Variants in RAB11B observed in about 807,000 individuals in gnomAD.
The protein encoded by RAB11B is RAB11B, member RAS oncogene family, also known as ras-related protein Rab-11B.
Under a neutral mutation model 23.7 loss-of-function variants are expected in RAB11B, and 7 were observed. That is an observed-to-expected ratio of 0.29 (90% CI 0.17 to 0.55). The LOEUF (loss-of-function observed/expected upper bound fraction) is 0.55. RAB11B is among the 20% of genes least tolerant of loss of function. RAB11B has a pLI of 0.93. For synonymous variants in RAB11B, 138 were observed against 132.0 expected (o/e 1.05, Z -0.31); for missense variants, 189 against 320.0 (o/e 0.59, Z 3.12).
chr19:8,391,819 TC>T (rs1271820405), intron 1 of RAB11B, among the ~76,000 whole-genome samples: 1 of 151,480 alleles, frequency 6.6e-6, no homozygotes, highest in African/African-American at 2.4e-5. Context: ...GGCAGAGGTC[TC>T]CCCACCTGGG....
Position 8,402,272 on chromosome 19 carries a change from C to T in RAB11B, c.423C>T (p.Ala141=), listed in dbSNP as rs1477705562. The T allele has an allele frequency of 6.4e-7, 1 of 1,555,512 alleles. No homozygotes were observed. The change falls in exon 3 of 5, where the codon GCC becomes GCT. Residue 141 remains alanine, a synonymous_variant. Coordinates refer to ENST00000328024, the MANE Select transcript of RAB11B (RefSeq NM_004218.4). Reference sequence around the variant, plus strand: ...CTGTGCCCACTGACGAGGCCCGCGCCTTCGCAGGTGAGCAGACGGAGACGC... The same window carrying T: ...CTGTGCCCACTGACGAGGCCCGCGCTTTCGCAGGTGAGCAGACGGAGACGC... ...LRAVPTDEAR[A]FAEKNNLSFI... is the part of the protein sequence containing the mutation.
intron 1 of RAB11B, among the ~76,000 whole-genome samples, chr19:8,394,952 C>G (rs1445586898): frequency 6.6e-6 from 1 of 152,202 alleles, no homozygotes; most frequent in African/African-American, 2.4e-5. Flanking sequence ...AACAAACAAA[C>G]TGATGGGGCT....
In RAB11B at chr19:8,403,657, C is replaced by A; in HGVS notation, c.*99C>A. 2 of 1,481,686 alleles carry A rather than the reference C, an allele frequency of 1.3e-6. No individual in the cohort carries two copies. Among genetic ancestry groups the A allele is most frequent in the South Asian group, 1.3e-5 (1 of 77,560 alleles). 91.8% of individuals were successfully genotyped at this position (1,481,686 alleles called of 1,614,324 possible). ...GCTGTCCCTCTGTGGCCGGCTCGTT[C>A]CAGCCCTCCCAGTGAGCTCTGCACG... is the stretch of plus-strand genomic sequence containing the variant. On this transcript the variant is annotated 3_prime_UTR_variant, in exon 5 of 5. Transcript: ENST00000328024.
In RAB11B at chr19:8,390,360, G is replaced by A. The variant is rs1971336293; in HGVS notation, c.-57G>A. The A allele has an allele frequency of 2.0e-6, 3 of 1,493,670 alleles. No individual in the cohort carries two copies. The highest frequency in any genetic ancestry group is 1.5e-5 in the African/African-American group (1 of 68,594). The allele number at this position is 1,493,670 out of a possible 1,614,324, so 92.5% of individuals were successfully genotyped here. A position where few individuals can be genotyped will look rare whatever the true frequency, so the allele number is the denominator to read the frequency against. On this transcript the variant is annotated 5_prime_UTR_variant, in exon 1 of 5. Transcript: ENST00000328024. ...TCTGCGCGGCGCCGGCTCCGCCCCC[G>A]TCGGGTGTTTGTGGTGGGGCTGCGG...
At chr19:8,400,642 G>T (rs1971430277) in intron 2 of RAB11B, among the ~76,000 whole-genome samples, 1 of 148,670 alleles carries the variant, frequency 6.7e-6, no homozygotes, top group Non-Finnish European at 1.5e-5. Context: ...GCTGGAGTGC[G>T]ATGGCACGAT....
At position 8,396,462 on chromosome 19, in the gene RAB11B, G is replaced by A. The variant is rs1007580812; in HGVS notation, c.41-3401G>A. Among the ~76,000 whole-genome samples the A allele has an allele frequency of 2.0e-5, 3 of 152,316 alleles. No individual in the cohort carries two copies. Among genetic ancestry groups the A allele is most frequent in the Admixed American group, 6.5e-5 (1 of 15,294 alleles). On this transcript the variant is annotated intron_variant, in intron 1 of 4. Transcript: ENST00000328024. This position sits in a 1 kb window ranked among gnomAD's most constrained non-coding sequence, Gnocchi z 5.0. ...GTGAGAGAGTGGCAAGAGTGACGGA[G>A]GAAGAACTGGGTCCGGGAGCAGGGT...
chr19:8,397,789 C>T (rs1311873486), intron 1 of RAB11B, among the ~76,000 whole-genome samples: 2 of 152,038 alleles, frequency 1.3e-5, no homozygotes, highest in Non-Finnish European at 2.9e-5. Flanking sequence ...ACCTCTGGGT[C>T]AGCCAGGGCT....
At chr19:8,393,218 C>A (rs1971371847) in intron 1 of RAB11B, among the ~76,000 whole-genome samples, 1 of 152,202 alleles carries the variant, frequency 6.6e-6, no homozygotes, top group South Asian at 2.1e-4. Flanking sequence ...CATAGCCTGC[C>A]ACTAATTGCC....
intron 1 of RAB11B, among the ~76,000 whole-genome samples, chr19:8,393,195 C>T (rs766977128): frequency 2.6e-5 from 4 of 152,166 alleles, no homozygotes; most frequent in Non-Finnish European, 5.9e-5. Flanking sequence ...CTCCTTTAGC[C>T]ATGGGCCATT....
intron 1 of RAB11B, among the ~76,000 whole-genome samples, chr19:8,391,959 C>G (rs1971358497): frequency 6.6e-6 from 1 of 151,994 alleles, no homozygotes; most frequent in Admixed American, 6.6e-5. Context: ...GTGGGTGAGG[C>G]TCTGTGGTCA....
chr19:8,400,244 C>A, intron 2 of RAB11B, 186 bp downstream of exon 2: 1 of 712,856 alleles, frequency 1.4e-6, no homozygotes, highest in Non-Finnish European at 2.3e-6. Context: ...CAGCGCCCAG[C>A]CTTCGCCACA....
In RAB11B at chr19:8,396,844, C is replaced by T. The variant is rs531023747; in HGVS notation, c.41-3019C>T. On this transcript the variant is annotated intron_variant, in intron 1 of 4. Coordinates refer to ENST00000328024, the MANE Select transcript of RAB11B (RefSeq NM_004218.4). This position sits in a 1 kb window ranked among gnomAD's most constrained non-coding sequence, Gnocchi z 5.0. ...GGGAGGTGCCCTGGCTCGGCACTCA[C>T]GGGCGCTCTCTGGTGGCTGCTGCAG... 2.4e-4 allele frequency among the ~76,000 whole-genome samples: 37 copies of T among 152,210 alleles called. No individual in the cohort carries two copies. Among genetic ancestry groups the T allele is most frequent in the African/African-American group, 8.2e-4 (34 of 41,518 alleles).
intron 4 of RAB11B, 102 bp downstream of exon 4, chr19:8,402,667 T>TTTTGTTTTTTTCTC: frequency 1.0e-6 from 1 of 986,334 alleles, no homozygotes; most frequent in Non-Finnish European, 1.5e-6. Context: ...GTTTTTTTCT[T>TTTTGTTTTTTTCTC]TTTTTTGTCG....
At chr19:8,402,036 G>A (rs184640124) in intron 2 of RAB11B, 50 bp from the exon 3 acceptor site, 188 of 1,501,088 alleles carry the variant, frequency 1.3e-4, no homozygotes, top group African/African-American at 9.6e-4. Context: ...TGAGGCTGCC[G>A]CTGCCCATGG....
At chr19:8,393,379 G>T (rs548984776) in intron 1 of RAB11B, among the ~76,000 whole-genome samples, 1 of 152,274 alleles carries the variant, frequency 6.6e-6, no homozygotes, top group South Asian at 2.1e-4. Flanking sequence ...CATGGGTCGT[G>T]GGGGAAACGG....
chr19:8,392,644 C>CCTCTATT (rs1772713063), intron 1 of RAB11B, among the ~76,000 whole-genome samples: 1 of 150,806 alleles, frequency 6.6e-6, no homozygotes, highest in Non-Finnish European at 1.5e-5. Context: ...CAGAGGACCT[C>CCTCTATT]CTCTATTCTC....
intron 1 of RAB11B, among the ~76,000 whole-genome samples, chr19:8,391,005 A>C (rs1172184139): frequency 6.7e-6 from 1 of 148,334 alleles, no homozygotes; most frequent in East Asian, 2.0e-4. Flanking sequence ...CCTGGGGGTG[A>C]GGTGTGTGGT....
chr19:8,403,310 T>TAGATCTC, intron 4 of RAB11B, 103 bp from the exon 5 acceptor site: 2 of 1,426,294 alleles, frequency 1.4e-6, no homozygotes, highest in Admixed American at 2.0e-5. Flanking sequence ...GGGGGCGCTG[T>TAGATCTC]GGGGGTCTGG....
In RAB11B at chr19:8,390,570, C is replaced by T. The variant is rs987255252; in HGVS notation, c.40+114C>T. 6.8e-5 allele frequency: 81 copies of T among 1,186,746 alleles called. No individual in the cohort carries two copies. In the Middle Eastern group the frequency reaches 1.1e-3, roughly 16 times the overall value. 73.5% of individuals were successfully genotyped at this position (1,186,746 alleles called of 1,614,324 possible). A position where few individuals can be genotyped will look rare whatever the true frequency, so the allele number is the denominator to read the frequency against. On this transcript the variant is annotated intron_variant, in intron 1 of 4. Coordinates refer to ENST00000328024, the MANE Select transcript of RAB11B (RefSeq NM_004218.4). ...AGGCCGGAGCCCGGGGCTTGGGGCCCGGCGGGTCAGGCAGCCGGGAAGGCC... is the reference window on the plus strand; with the variant it reads ...AGGCCGGAGCCCGGGGCTTGGGGCCTGGCGGGTCAGGCAGCCGGGAAGGCC...
Sources: gnomAD v4.1 joint callset for allele counts (sites outside exome capture counted in the v4.1 genomes callset) on GRCh38, gnomAD v4.1.1 for gene constraint, Gnocchi (gnomAD v3.1) non-coding constraint, MANE v1.5 for transcripts, NCBI Gene and HGNC (gene_info 2026-07-23, HGNC 2026-07-21) for gene names.